Variants in FAM178B observed in about 807,000 individuals in gnomAD.
FAM178B encodes the protein protein FAM178B.
In FAM178B, 82 loss-of-function variants were observed where a neutral mutation model predicts 91.7. That is an observed-to-expected ratio of 0.89 (90% CI 0.75 to 1.07). The LOEUF (loss-of-function observed/expected upper bound fraction) is 1.07, where lower values mean the gene tolerates loss of function less well. Ranked by LOEUF, FAM178B falls within the 50% of genes least tolerant of loss-of-function variation. The pLI is 0.00. For synonymous variants in FAM178B, 368 were observed against 359.4 expected, an observed-to-expected ratio of 1.02 and a Z score of -0.27; for missense variants, 769 against 846.7, an observed-to-expected ratio of 0.91 and a Z score of 1.14.
At chr2:96,891,153 G>A (rs962868335) in intron 14 of FAM178B, among the ~76,000 whole-genome samples, 6 of 152,222 alleles carry the variant, frequency 3.9e-5, no homozygotes, top group African/African-American at 1.4e-4. Context: ...ATTCACTCCA[G>A]TTCCTGACCC....
At chr2:96,923,099 G>C (rs993685847) in intron 10 of FAM178B, among the ~76,000 whole-genome samples, 1 of 152,156 alleles carries the variant, frequency 6.6e-6, no homozygotes, top group Non-Finnish European at 1.5e-5. Context: ...CTCCTGAGCA[G>C]ATGGGACTAC....
chr2:96,882,673 ATAC>A, intron 14 of FAM178B, among the ~76,000 whole-genome samples: 1 of 152,158 alleles, frequency 6.6e-6, no homozygotes, highest in Middle Eastern at 3.2e-3. Flanking sequence ...TGGCCCTTCT[ATAC>A]GCCAGAGGGA....
intron 1 of FAM178B, among the ~76,000 whole-genome samples, chr2:96,985,706 T>C (rs1445578831): frequency 6.6e-6 from 1 of 152,192 alleles, no homozygotes; most frequent in Non-Finnish European, 1.5e-5. Context: ...CCTAACATCA[T>C]GTTTTATATC....
At chr2:96,897,990 G>A (rs2080855612) in intron 13 of FAM178B, 1 of 985,406 alleles carries the variant, frequency 1.0e-6, no homozygotes, top group Non-Finnish European at 1.2e-6. Context: ...TGCTCCATGG[G>A]GCCTCCGCTG....
At chr2:96,924,506 G>A (rs1461932107) in intron 9 of FAM178B, among the ~76,000 whole-genome samples, 1 of 152,168 alleles carries the variant, frequency 6.6e-6, no homozygotes, top group Non-Finnish European at 1.5e-5. Flanking sequence ...CCCCTTTAAA[G>A]ATCAAGCCAC....
chr2:96,921,688 G>T (rs1469526221), intron 10 of FAM178B, 34 bp from the exon 11 acceptor site: 2 of 1,547,068 alleles, frequency 1.3e-6, no homozygotes, highest in South Asian at 1.2e-5. Context: ...GGTGGCCAGG[G>T]CATGGGGGAA....
chr2:96,878,204 GC>G (rs2080294466), intron 15 of FAM178B, among the ~76,000 whole-genome samples, 162 bp from the exon 16 acceptor site: 1 of 152,228 alleles, frequency 6.6e-6, no homozygotes, highest in African/African-American at 2.4e-5. Flanking sequence ...AACTGTTGGG[GC>G]TCGGGTCAGT....
chr2:96,978,098 C>A (rs141191813), intron 1 of FAM178B, among the ~76,000 whole-genome samples: 60 of 152,322 alleles, frequency 3.9e-4, no homozygotes, highest in Non-Finnish European at 7.4e-5. Context: ...ACTCAGTTCT[C>A]TTCTTTCCTC....
chr2:96,984,300 A>C (rs138840565), intron 1 of FAM178B, among the ~76,000 whole-genome samples: 4 of 152,304 alleles, frequency 2.6e-5, no homozygotes, highest in African/African-American at 9.6e-5. Context: ...CCAGGAAGAC[A>C]ATTTGCCCAA....
chr2:96,982,445 T>G (rs1361169531), intron 1 of FAM178B, among the ~76,000 whole-genome samples: 1 of 151,822 alleles, frequency 6.6e-6, no homozygotes, highest in Non-Finnish European at 1.5e-5. Flanking sequence ...GTATTTTTTG[T>G]AGAGATGGAG....
chr2:96,894,826 A>C, intron 13 of FAM178B, among the ~76,000 whole-genome samples: 1 of 33,798 alleles, frequency 3.0e-5, no homozygotes, highest in Non-Finnish European at 5.4e-5. Flanking sequence ...CAGACCCCCT[A>C]TACACCCCCA....
chr2:96,986,477 T>G lies in FAM178B; in HGVS notation c.-164A>C. On this transcript the variant is annotated 5_prime_UTR_variant, in exon 1 of 17. Coordinates refer to ENST00000490605, the MANE Select transcript of FAM178B (RefSeq NM_001122646.3). ...GTCCCTAGATCCAGGGCCGCCAACG[T>G]GGAACCTAAAGATCCAGTTCTGGGG... is the stretch of plus-strand genomic sequence containing the variant. 1 of 790,266 alleles carries G rather than the reference T, an allele frequency of 1.3e-6. No homozygotes were observed. Among genetic ancestry groups the G allele is most frequent in the Non-Finnish European group, 1.9e-6 (1 of 516,798 alleles). 49.0% of individuals were successfully genotyped at this position (790,266 alleles called of 1,614,324 possible).
chr2:96,895,420 A>T (rs1450698696), intron 13 of FAM178B, among the ~76,000 whole-genome samples: 1 of 151,978 alleles, frequency 6.6e-6, no homozygotes, highest in Non-Finnish European at 1.5e-5. Context: ...CCCAGCCCCC[A>T]TTTAGTTTTT....
At chr2:96,946,081 T>C (rs1396004320) in intron 8 of FAM178B, among the ~76,000 whole-genome samples, 2 of 152,202 alleles carry the variant, frequency 1.3e-5, no homozygotes, top group Admixed American at 1.3e-4. Context: ...CTCATATACA[T>C]GGAATATGAA....
intron 9 of FAM178B, among the ~76,000 whole-genome samples, chr2:96,925,084 G>A (rs922578008): frequency 2.0e-5 from 3 of 152,088 alleles, no homozygotes; most frequent in East Asian, 1.9e-4. Flanking sequence ...ACATCTGGGC[G>A]CAGGCTGGGC....
chr2:96,906,981 G>C lies in FAM178B; in HGVS notation c.1563-4274C>G, dbSNP rs552779446. ...GAGGGCCTGCCCGGCCCGGGGGTGA[G>C]GGGAGCAGGCAGGCCGGCAAAGCAG... is the stretch of plus-strand genomic sequence containing the variant. On this transcript the variant is annotated intron_variant, in intron 12 of 16. Coordinates refer to ENST00000490605, the MANE Select transcript of FAM178B (RefSeq NM_001122646.3). 4.6e-5 allele frequency among the ~76,000 whole-genome samples: 7 copies of C among 152,346 alleles called. No homozygotes were observed. In the East Asian group the frequency reaches 1.4e-3, roughly 30 times the overall value.
In FAM178B at chr2:96,936,431, G is replaced by A. The variant is rs572699736; in HGVS notation, c.1079-7111C>T. On this transcript the variant is annotated intron_variant, in intron 8 of 16. Coordinates refer to ENST00000490605, the MANE Select transcript of FAM178B (RefSeq NM_001122646.3). ...TTAGCCAGGATGGTCTCGATCTCCC[G>A]ACCTTGTGATCTGCCCGCCTTGGCC... is the stretch of plus-strand genomic sequence containing the variant. 9.9e-5 allele frequency among the ~76,000 whole-genome samples: 15 copies of A among 150,856 alleles called. No homozygotes were observed. The East Asian group carries it at 1.2e-3, about 12-fold the overall frequency.
At chr2:96,964,663 C>A (rs976370592) in intron 5 of FAM178B, among the ~76,000 whole-genome samples, 1 of 152,108 alleles carries the variant, frequency 6.6e-6, no homozygotes, top group Non-Finnish European at 1.5e-5. Flanking sequence ...ACAGAAAAGC[C>A]AGAAAGAAAC....
At chr2:96,891,626 G>T (rs1256862785) in intron 14 of FAM178B, among the ~76,000 whole-genome samples, 1 of 152,222 alleles carries the variant, frequency 6.6e-6, no homozygotes, top group Non-Finnish European at 1.5e-5. Flanking sequence ...ACTTGCCAAG[G>T]GATCAGTGAG....
Sources: gnomAD v4.1 joint callset for allele counts (sites outside exome capture counted in the v4.1 genomes callset) on GRCh38, gnomAD v4.1.1 for gene constraint, MANE v1.5 for transcripts, NCBI Gene and HGNC (gene_info 2026-07-23, HGNC 2026-07-21) for gene names.